Variants in ATP2B1 observed in about 807,000 individuals in gnomAD.
ATP2B1 encodes ATPase plasma membrane Ca2+ transporting 1, also known as plasma membrane calcium-transporting ATPase 1.
Under a neutral mutation model 124.2 loss-of-function variants are expected in ATP2B1, and 14 were observed. The ratio of observed to expected loss-of-function variants is 0.11; its 90% CI spans 0.07 to 0.18. The LOEUF is 0.18. ATP2B1 is among the 10% of genes least tolerant of loss of function. ATP2B1 has a pLI of 1.00. For synonymous variants in ATP2B1, 449 were observed against 492.4 expected (o/e 0.91, Z 1.17); for missense variants, 763 against 1,466.1 (o/e 0.52, Z 7.83).
rs968011152 is a variant in ATP2B1 at position 89,640,116 on chromosome 12, A to T, written c.406+2042T>A. On this transcript the variant is annotated intron_variant, in intron 3 of 20. Coordinates refer to ENST00000428670, the MANE Select transcript of ATP2B1 (RefSeq NM_001366521.1). ...ATAGACACATAGACCACGGATACAT[A>T]TTTAAAATCTTAAAGGATATATACA... is the stretch of plus-strand genomic sequence containing the variant. Among the ~76,000 whole-genome samples, 6 of 152,292 alleles carry T rather than the reference A, an allele frequency of 3.9e-5. No individual in the cohort carries two copies. The South Asian group carries it at 8.3e-4, about 21-fold the overall frequency.
intron 1 of ATP2B1, among the ~76,000 whole-genome samples, chr12:89,672,018 T>G (rs1046844663): frequency 1.3e-5 from 2 of 152,304 alleles, no homozygotes; most frequent in Admixed American, 1.3e-4. Context: ...GTATCATCAT[T>G]AGCAATCTCT....
At chr12:89,699,256 T>TA (rs1290626743) in intron 1 of ATP2B1, among the ~76,000 whole-genome samples, 1 of 152,202 alleles carries the variant, frequency 6.6e-6, no homozygotes, top group African/African-American at 2.4e-5. Context: ...ATGGCTTTTT[T>TA]AAAAAAGAAT....
intron 12 of ATP2B1, 71 bp downstream of exon 12, chr12:89,616,731 G>T (rs936033471): frequency 1.2e-5 from 17 of 1,396,234 alleles, no homozygotes; most frequent in African/African-American, 2.9e-5. Context: ...TAGAAAACTG[G>T]TTACAATTAA....
At chr12:89,619,873 TA>T in intron 11 of ATP2B1, 125 bp downstream of exon 11, 2 of 1,247,868 alleles carry the variant, frequency 1.6e-6, no homozygotes, top group Non-Finnish European at 2.2e-6. Flanking sequence ...TAAAATATGC[TA>T]AAAAACTCTG....
intron 6 of ATP2B1, among the ~76,000 whole-genome samples, chr12:89,628,192 C>T (rs527802264): frequency 4.0e-5 from 6 of 151,862 alleles, no homozygotes; most frequent in Non-Finnish European, 8.8e-5. Flanking sequence ...CATCTGAGGT[C>T]GGGAGTTCAA....
chr12:89,706,323 A>G (rs985476237), intron 1 of ATP2B1, among the ~76,000 whole-genome samples: 1 of 152,010 alleles, frequency 6.6e-6, no homozygotes, highest in Admixed American at 6.5e-5. Context: ...ACAAAAAAGA[A>G]TTACTATATC....
intron 20 of ATP2B1, among the ~76,000 whole-genome samples, chr12:89,598,065 C>CAAAAAAAAAAAAAAAAAAAAAA (rs1565797438): frequency 6.0e-5 from 3 of 49,676 alleles, no homozygotes; most frequent in Non-Finnish European, 4.5e-5. Flanking sequence ...AAAAAAAAAT[C>CAAAAAAAAAAAAAAAAAAAAAA]AAAGCAAGGC....
At chr12:89,653,504 A>G (rs1465940582) in intron 2 of ATP2B1, among the ~76,000 whole-genome samples, 2 of 151,250 alleles carry the variant, frequency 1.3e-5, no homozygotes, top group African/African-American at 2.4e-5. Context: ...TCACCTTGTT[A>G]GCCAGGATGG....
chr12:89,645,656 T>C (rs1474768476), intron 2 of ATP2B1, among the ~76,000 whole-genome samples: 1 of 151,556 alleles, frequency 6.6e-6, no homozygotes, highest in East Asian at 1.9e-4. Context: ...GGCCCAGAGA[T>C]CAAAACAAGA....
rs190856103 is a variant in ATP2B1, at chr12:89,619,340, A to G, written c.1829+659T>C. 1.3e-3 allele frequency among the ~76,000 whole-genome samples: 193 copies of G among 152,268 alleles called. 2 individuals carry two copies. The highest frequency in any genetic ancestry group is 4.5e-3 in the African/African-American group (187 of 41,572). On this transcript the variant is annotated intron_variant, in intron 11 of 20. Transcript: ENST00000428670. ...AAGATCTAAACTTGAGGCCAGGTGC[A>G]GTGACTCACGTCTGTAATCCCAGCA...
intron 8 of ATP2B1, among the ~76,000 whole-genome samples, chr12:89,626,237 C>T (rs1306952958): frequency 6.6e-6 from 1 of 152,190 alleles, no homozygotes; most frequent in African/African-American, 2.4e-5. Context: ...ACTGGACAGA[C>T]TTAGGCACTA....
At chr12:89,592,061 A>G (rs941698171) in intron 20 of ATP2B1, among the ~76,000 whole-genome samples, 5 of 152,080 alleles carry the variant, frequency 3.3e-5, no homozygotes, top group African/African-American at 9.7e-5. Flanking sequence ...ACAAAGTGTT[A>G]AAAGTTTTCT....
intron 12 of ATP2B1, 73 bp downstream of exon 12, chr12:89,616,729 T>A: frequency 1.5e-6 from 2 of 1,372,100 alleles, no homozygotes; most frequent in Non-Finnish European, 2.0e-6. Flanking sequence ...ACTAGAAAAC[T>A]GGTTACAATT....
intron 20 of ATP2B1, among the ~76,000 whole-genome samples, chr12:89,597,390 G>A (rs948865579): frequency 3.3e-5 from 5 of 152,050 alleles, no homozygotes; most frequent in African/African-American, 9.7e-5. Context: ...TACATCATGC[G>A]GCCTCTGCTT....
Position 89,624,413 on chromosome 12 carries a change from T to A in ATP2B1, c.1130-16A>T, listed in dbSNP as rs1164866982. On this transcript the variant is annotated splice_polypyrimidine_tract_variant and intron_variant, in intron 8 of 20. Transcript: ENST00000428670. ...ATCAACAGACCTTTCAGAATAGAAA[T>A]GAAAGAAAAATGTGATTATTAAATT... 6.3e-7 allele frequency: 1 copy of A among 1,590,980 alleles called. No individual in the cohort carries two copies. The highest frequency in any genetic ancestry group is 8.6e-7 in the Non-Finnish European group (1 of 1,164,588).
At chr12:89,649,961 G>A (rs1323892944) in intron 2 of ATP2B1, among the ~76,000 whole-genome samples, 2 of 152,120 alleles carry the variant, frequency 1.3e-5, no homozygotes, top group Non-Finnish European at 2.9e-5. Context: ...TGATGTGCCT[G>A]CTTCCACTTT....
At position 89,642,171 on chromosome 12, in the gene ATP2B1, T is replaced by C. The variant is rs1177310181; in HGVS notation, c.393A>G (p.Glu131=). The change falls in exon 3 of 21, where the codon GAA becomes GAG. Residue 131 remains glutamate, a synonymous_variant. Coordinates refer to ENST00000428670, the MANE Select transcript of ATP2B1 (RefSeq NM_001366521.1). The part of the protein sequence containing the change: ...SLGLSFYQPP[E]GDNALCGEVS... Reference sequence around the variant, plus strand: ...CCATTTACTTACGTGCATTATCCCCTTCTGGAGGCTGATAAAAAGAAAGGC... The same window carrying C: ...CCATTTACTTACGTGCATTATCCCCCTCTGGAGGCTGATAAAAAGAAAGGC... The C allele has an allele frequency of 1.2e-6, 2 of 1,612,894 alleles. No homozygotes were observed. The highest frequency in any genetic ancestry group is 3.3e-5 in the Admixed American group (2 of 59,998).
At chr12:89,667,342 C>T (rs1887434766) in intron 1 of ATP2B1, among the ~76,000 whole-genome samples, 1 of 152,166 alleles carries the variant, frequency 6.6e-6, no homozygotes, top group Non-Finnish European at 1.5e-5. Context: ...GGTCTCTAAC[C>T]CATCCTCCTC....
intron 12 of ATP2B1, among the ~76,000 whole-genome samples, chr12:89,614,065 A>T (rs888389224): frequency 6.6e-5 from 10 of 152,222 alleles, no homozygotes; most frequent in African/African-American, 2.4e-4. Flanking sequence ...ACTCTCCATC[A>T]ACTGCAATGC....
Sources: gnomAD v4.1 joint callset for allele counts (sites outside exome capture counted in the v4.1 genomes callset) on GRCh38, gnomAD v4.1.1 for gene constraint, MANE v1.5 for transcripts, NCBI Gene and HGNC (gene_info 2026-07-23, HGNC 2026-07-21) for gene names.